RGMA: variants seen among roughly 807,000 people sequenced by gnomAD.
The protein encoded by RGMA is repulsive guidance molecule BMP co-receptor a, also known as repulsive guidance molecule A.
In RGMA, 10 loss-of-function variants were observed where a neutral mutation model predicts 23.2. The observed-to-expected ratio is 0.43, with a 90% CI of 0.27 to 0.73. The LOEUF (loss-of-function observed/expected upper bound fraction) is 0.73, where lower values mean the gene tolerates loss of function less well. RGMA is among the 30% of genes least tolerant of loss of function. The pLI is 0.20. For synonymous variants in RGMA, 308 were observed against 279.3 expected (o/e 1.10, Z -1.03); for missense variants, 547 against 630.5 (o/e 0.87, Z 1.42).
rs566705257 is a variant in RGMA at position 93,045,238 on chromosome 15, C to T, written c.1113G>A (p.Glu371=). The T allele has an allele frequency of 2.5e-6, 4 of 1,613,030 alleles. No individual in the cohort carries two copies. Among genetic ancestry groups the T allele is most frequent in the African/African-American group, 1.3e-5 (1 of 75,028 alleles). The change falls in exon 4 of 4, where the codon GAG becomes GAA. Residue 371 remains glutamate, a synonymous_variant. Coordinates refer to ENST00000329082, the MANE Select transcript of RGMA (RefSeq NM_020211.3). The surrounding 1 kb of genome is among the most constrained non-coding windows in gnomAD (Gnocchi z 6.9). ...AGACGCAGGCCTGGTAGTACAGGTC[C>T]TCCACCGGCAGCTTCTCCTTGCACT... is the stretch of plus-strand genomic sequence containing the variant. The part of the protein sequence containing the change: ...VAKCKEKLPV[E]DLYYQACVFD...
intron 2 of RGMA, among the ~76,000 whole-genome samples, chr15:93,054,551 G>A (rs775549393): frequency 2.0e-5 from 3 of 152,186 alleles, no homozygotes; most frequent in Non-Finnish European, 2.9e-5. Context: ...CTTGCCTGCT[G>A]CCACGTAAGA....
chr15:93,065,478 G>A, intron 2 of RGMA: 1 of 465,912 alleles, frequency 2.1e-6, no homozygotes, highest in Non-Finnish European at 4.0e-6. Flanking sequence ...GTATTTTGAT[G>A]CCATGAATTA....
chr15:93,061,686 A>G (rs957560036), intron 2 of RGMA, among the ~76,000 whole-genome samples: 3 of 152,256 alleles, frequency 2.0e-5, no homozygotes, highest in African/African-American at 7.2e-5. Flanking sequence ...CACCTCTGAG[A>G]ATCAGAAAGA....
intron 1 of RGMA, among the ~76,000 whole-genome samples, chr15:93,085,757 A>C (rs2141850769): frequency 1.3e-5 from 2 of 152,320 alleles, no homozygotes; most frequent in South Asian, 4.1e-4. Flanking sequence ...AAGAATTGTA[A>C]AGTTTCACAC....
Position 93,052,448 on chromosome 15 carries a change from T to C in RGMA, c.190A>G (p.Ser64Gly), listed in dbSNP as rs756556712. 6.9e-6 allele frequency: 11 copies of C among 1,591,744 alleles called. No individual in the cohort carries two copies. The East Asian group carries it at 2.5e-4, about 36-fold the overall frequency. ...GTGTCGTCTGAGGCTGGGGCGTGGC[T>C]GCCCGACGTGGCGCTCCAGAACTCA... is the stretch of plus-strand genomic sequence containing the variant. ...NSEFWSATSG[S>G]HAPASDDTPE... The change falls in exon 3 of 4, where the codon AGC (serine) becomes GGC (glycine). Residue 64 changes from serine (S) to glycine (G), a missense_variant. This residue lies in a region of RGMA where 214 missense variants were observed against 234.7 expected (regional missense o/e 0.91). Transcript: ENST00000329082.
In RGMA at chr15:93,054,137, C is replaced by T. The variant is rs568472716; in HGVS notation, c.131-1630G>A. ...CCCAGCTACTCGGGAGGCTGTGGCACGAGAACTGCTTGAACCCGGGAGGCA... is the reference window on the plus strand; with the variant it reads ...CCCAGCTACTCGGGAGGCTGTGGCATGAGAACTGCTTGAACCCGGGAGGCA... On this transcript the variant is annotated intron_variant, in intron 2 of 3. Transcript: ENST00000329082. Among the ~76,000 whole-genome samples, 34 of 148,874 alleles carry T rather than the reference C, an allele frequency of 2.3e-4. No homozygotes were observed. In the East Asian group the frequency reaches 3.9e-3, roughly 17 times the overall value.
intron 1 of RGMA, among the ~76,000 whole-genome samples, chr15:93,075,179 T>C (rs1381011376): frequency 2.6e-5 from 4 of 151,490 alleles, no homozygotes; most frequent in Admixed American, 1.3e-4. Context: ...AAAAGGAGTT[T>C]CTCCCTCCCA....
At chr15:93,083,374 C>A (rs1895588718) in intron 1 of RGMA, among the ~76,000 whole-genome samples, 1 of 152,102 alleles carries the variant, frequency 6.6e-6, no homozygotes, top group African/African-American at 2.4e-5. Flanking sequence ...ATCATCCAGG[C>A]TGGAGTGTAA....
intron 1 of RGMA, 121 bp from the exon 2 acceptor site, chr15:93,073,152 G>A (rs1276134692): frequency 7.3e-6 from 9 of 1,224,858 alleles, no homozygotes; most frequent in Non-Finnish European, 8.2e-6. Context: ...GCGGGCGCCC[G>A]GCGCGCTCCC....
chr15:93,073,949 G>A, intron 1 of RGMA: 1 of 1,428,104 alleles, frequency 7.0e-7, no homozygotes, highest in Non-Finnish European at 9.1e-7. Context: ...CGCTCTCTGC[G>A]AGGCCCGCAA....
intron 2 of RGMA, among the ~76,000 whole-genome samples, chr15:93,061,571 G>C (rs1282972201): frequency 4.6e-5 from 7 of 152,214 alleles, no homozygotes; most frequent in African/African-American, 1.7e-4. Flanking sequence ...GGGGAGGGGG[G>C]CTCCAGACTG....
At chr15:93,067,981 T>C (rs946646295) in intron 2 of RGMA, among the ~76,000 whole-genome samples, 4 of 151,898 alleles carry the variant, frequency 2.6e-5, no homozygotes, top group African/African-American at 9.7e-5. Flanking sequence ...TTAGACCACA[T>C]GGAGGGGCCC....
chr15:93,081,288 T>C (rs935789345), intron 1 of RGMA, among the ~76,000 whole-genome samples: 10 of 152,152 alleles, frequency 6.6e-5, no homozygotes, highest in Non-Finnish European at 1.2e-4. Flanking sequence ...CACCTGATTG[T>C]GGGGAGCCAT....
intron 1 of RGMA, chr15:93,088,710 A>T: frequency 1.3e-6 from 1 of 754,276 alleles, no homozygotes; most frequent in Non-Finnish European, 1.9e-6. Flanking sequence ...TATTTTAGGA[A>T]AAAAGAACAA....
intron 2 of RGMA, among the ~76,000 whole-genome samples, chr15:93,053,255 G>T (rs1416059515): frequency 6.6e-6 from 1 of 152,206 alleles, no homozygotes; most frequent in Admixed American, 6.5e-5. Flanking sequence ...CAAAATGACC[G>T]TGCCCCAGAA....
At position 93,036,148 on chromosome 15, in the gene RGMA, G is replaced by A. The variant is rs1011244479; in HGVS notation, c.*8850C>T. 1 of 152,166 alleles carries A rather than the reference G, an allele frequency of 6.6e-6. No individual in the cohort carries two copies. Among genetic ancestry groups the A allele is most frequent in the African/African-American group, 2.4e-5 (1 of 41,390 alleles). The allele number at this position is 152,166 out of a possible 1,614,324, so 9.4% of individuals were successfully genotyped here. A position where few individuals can be genotyped will look rare whatever the true frequency, so the allele number is the denominator to read the frequency against. On this transcript the variant is annotated 3_prime_UTR_variant, in exon 4 of 4. Coordinates refer to ENST00000329082, the MANE Select transcript of RGMA (RefSeq NM_020211.3). ...CACTAGAGGTCAGTCCCGTGAGGGC[G>A]GGCACATTCATTCGAGCGACCACAG...
intron 2 of RGMA, among the ~76,000 whole-genome samples, chr15:93,071,656 C>T (rs896305653): frequency 2.6e-5 from 4 of 152,212 alleles, no homozygotes; most frequent in Non-Finnish European, 5.9e-5. Context: ...TCACTGTCTG[C>T]GTGGTCCGCC....
chr15:93,072,127 A>T (rs1016491994), intron 2 of RGMA, among the ~76,000 whole-genome samples: 6 of 151,964 alleles, frequency 3.9e-5, no homozygotes, highest in African/African-American at 1.5e-4. Context: ...AAGGAAAAAA[A>T]GTAAAGAAAC....
chr15:93,064,553 C>T (rs1895078287), intron 2 of RGMA, among the ~76,000 whole-genome samples: 1 of 152,204 alleles, frequency 6.6e-6, no homozygotes, highest in African/African-American at 2.4e-5. Context: ...CAGCCAGGCT[C>T]CTGCCCAGCC....
Sources: gnomAD v4.1 joint callset for allele counts (sites outside exome capture counted in the v4.1 genomes callset) on GRCh38, gnomAD v4.1.1 for gene constraint, gnomAD v4.1.1 regional missense constraint, Gnocchi (gnomAD v3.1) non-coding constraint, MANE v1.5 for transcripts, NCBI Gene and HGNC (gene_info 2026-07-23, HGNC 2026-07-21) for gene names.